The following SEC23A variants were observed in gnomAD, a reference collection of about 807,000 sequenced individuals.
SEC23A encodes the protein SEC23 homolog A, COPII component.
SEC23A carries 56 observed loss-of-function variants against 103.7 expected under a neutral mutation model. That is an observed-to-expected ratio of 0.54 (90% CI 0.44 to 0.67). The LOEUF (loss-of-function observed/expected upper bound fraction) is 0.67, where lower values mean the gene tolerates loss of function less well. Among genes scored for constraint, SEC23A ranks in the 30% least tolerant of loss-of-function variants. The pLI, the probability that SEC23A is intolerant of heterozygous loss-of-function variation, is 0.00. For synonymous variants in SEC23A, 281 were observed against 293.0 expected (o/e 0.96, Z 0.42); for missense variants, 784 against 936.4 (o/e 0.84, Z 2.12).
At chr14:39,066,505 C>A (rs1886674845) in intron 10 of SEC23A, among the ~76,000 whole-genome samples, 1 of 150,524 alleles carries the variant, frequency 6.6e-6, no homozygotes, top group Non-Finnish European at 1.5e-5. Flanking sequence ...AAAACAGTTT[C>A]CTCTTAAGTT....
chr14:39,054,884 A>T (rs1443260151), intron 14 of SEC23A, among the ~76,000 whole-genome samples: 3 of 152,252 alleles, frequency 2.0e-5, no homozygotes, highest in Non-Finnish European at 2.9e-5. Context: ...ACCTCATTCC[A>T]GCCAATAAGA....
At chr14:39,042,932 T>C in intron 16 of SEC23A, 60 bp from the exon 17 acceptor site, 2 of 1,010,738 alleles carry the variant, frequency 2.0e-6, no homozygotes, top group East Asian at 4.8e-5. Context: ...CTCAATAATA[T>C]AAAATAGATG....
At chr14:39,041,409 C>CAAAAAAAAAAAAAAAAAAAAAAAAAAAAA (rs56911438) in intron 17 of SEC23A, 1 of 14,642 alleles carries the variant, frequency 6.8e-5, no homozygotes, top group South Asian at 8.3e-3. Context: ...AAAGAAAAAG[C>CAAAAAAAAAAAAAAAAAAAAAAAAAAAAA]AAAAAAAAAA....
chr14:39,077,603 G>A (rs1460964621), intron 7 of SEC23A, among the ~76,000 whole-genome samples: 1 of 151,978 alleles, frequency 6.6e-6, no homozygotes, highest in East Asian at 1.9e-4. Context: ...AAAAAAGTAT[G>A]CATGACTTAC....
chr14:39,100,301 A>G (rs988076090), intron 1 of SEC23A, among the ~76,000 whole-genome samples: 6 of 152,180 alleles, frequency 3.9e-5, no homozygotes, highest in African/African-American at 1.4e-4. Flanking sequence ...TCACCTTTCC[A>G]TAGTAGGAGT....
At chr14:39,095,318 C>T (rs1409772184) in intron 2 of SEC23A, among the ~76,000 whole-genome samples, 14 of 148,530 alleles carry the variant, frequency 9.4e-5, no homozygotes, top group African/African-American at 3.0e-4. Context: ...TTTTTTGAGG[C>T]GGAGTCTCGC....
rs1887883342 is a variant in SEC23A, at chr14:39,096,235, T to C, written c.-21-96A>G. The C allele has an allele frequency of 1.3e-5, 11 of 855,398 alleles. No individual in the cohort carries two copies. In the South Asian group the frequency reaches 1.6e-4, roughly 13 times the overall value. 53.0% of individuals were successfully genotyped at this position (855,398 alleles called of 1,614,324 possible). On this transcript the variant is annotated intron_variant, in intron 1 of 19. Coordinates refer to ENST00000307712, the MANE Select transcript of SEC23A (RefSeq NM_006364.4). Reference sequence around the variant, plus strand: ...CCCTCATTCAGCAATATTAACACCTTAGAAATCAGGACCAGCTGGGCCCCG... The same window carrying C: ...CCCTCATTCAGCAATATTAACACCTCAGAAATCAGGACCAGCTGGGCCCCG...
At position 39,064,926 on chromosome 14, in the gene SEC23A, C is replaced by T. The variant is rs776413541; in HGVS notation, c.1295G>A (p.Cys432Tyr). Residue 432 changes from cysteine (C) to tyrosine (Y), a missense_variant, in exon 11 of 20, where the codon TGT becomes TAT. Around this residue, in one of 2 missense-constraint regions of SEC23A, gnomAD observed 683 missense variants for 774.2 expected, o/e 0.88. Transcript: ENST00000307712. ...AACACAACTTACATTTTCAGACACA[C>T]AGGGTCCTTTAGAATTGAGTGACAC... ...PCVSLNSKGP[C>Y]VSENEIGTGG... 2 of 1,610,924 alleles carry T rather than the reference C, an allele frequency of 1.2e-6. No homozygotes were observed. Among genetic ancestry groups the T allele is most frequent in the Non-Finnish European group, 8.5e-7 (1 of 1,177,136 alleles).
Position 39,061,746 on chromosome 14 carries a change from T to G in SEC23A, c.1505+19A>C. 8.4e-6 allele frequency: 13 copies of G among 1,556,510 alleles called. No homozygotes were observed. Among genetic ancestry groups the G allele is most frequent in the Non-Finnish European group, 1.1e-5 (12 of 1,127,464 alleles). ...ATACCTGTGATATGAAAATCAAATC[T>G]CTAACAAATACAACTTACTTCCTAG... is the stretch of plus-strand genomic sequence containing the variant. On this transcript the variant is annotated intron_variant, in intron 13 of 19. Coordinates refer to ENST00000307712, the MANE Select transcript of SEC23A (RefSeq NM_006364.4).
chr14:39,067,724 G>A (rs1418897394), intron 9 of SEC23A, among the ~76,000 whole-genome samples: 50 of 140,616 alleles, frequency 3.6e-4, no homozygotes, highest in Non-Finnish European at 1.5e-5. Context: ...AGGCTGGAGT[G>A]CAGTGGAACA....
chr14:39,074,870 G>C (rs1886961534), intron 8 of SEC23A, among the ~76,000 whole-genome samples: 1 of 152,218 alleles, frequency 6.6e-6, no homozygotes, highest in South Asian at 2.1e-4. Flanking sequence ...CATTTTGGGA[G>C]GCCGAGGCAG....
chr14:39,090,004 T>C (rs184673398), intron 5 of SEC23A, among the ~76,000 whole-genome samples: 47 of 152,168 alleles, frequency 3.1e-4, no homozygotes, highest in Non-Finnish European at 6.0e-4. Flanking sequence ...TCAAATCTTA[T>C]TCACTATTCA....
chr14:39,051,314 TTG>T (rs1886050737), intron 14 of SEC23A, among the ~76,000 whole-genome samples: 4 of 152,318 alleles, frequency 2.6e-5, no homozygotes, highest in African/African-American at 9.6e-5. Context: ...CAGGAAGCCC[TTG>T]CTTCCTTCAG....
chr14:39,042,793 T>C lies in SEC23A; in HGVS notation c.1979A>G (p.His660Arg). The change falls in exon 17 of 20, where the codon CAT becomes CGT. Residue 660 changes from histidine (H) to arginine (R), a missense_variant. His to Arg is a conservative substitution (Grantham distance 29). Coordinates refer to ENST00000307712, the MANE Select transcript of SEC23A (RefSeq NM_006364.4). ...ATGCTATTGAAATCTTACCTCACCA[T>C]GATAAATCAAAATCTGGAAGAATGT... The part of the protein sequence containing the change: ...MDTFFQILIY[H>R]GETIAQWRKS... The C allele has an allele frequency of 1.2e-6, 2 of 1,602,096 alleles. No individual in the cohort carries two copies. The highest frequency in any genetic ancestry group is 8.6e-7 in the Non-Finnish European group (1 of 1,169,244).
chr14:39,069,187 A>G (rs776779165), intron 9 of SEC23A, among the ~76,000 whole-genome samples: 5 of 152,176 alleles, frequency 3.3e-5, no homozygotes, highest in African/African-American at 4.8e-5. Flanking sequence ...TCCAAAATCC[A>G]ACTACTTCCC....
chr14:39,102,157 G>C (rs572525966), intron 1 of SEC23A, among the ~76,000 whole-genome samples: 1 of 152,138 alleles, frequency 6.6e-6, no homozygotes, highest in African/African-American at 2.4e-5. Flanking sequence ...GCTTGAACCA[G>C]GGAGGCGGAG....
At chr14:39,038,155 C>T (rs1885520736) in intron 19 of SEC23A, among the ~76,000 whole-genome samples, 1 of 152,178 alleles carries the variant, frequency 6.6e-6, no homozygotes, top group African/African-American at 2.4e-5. Flanking sequence ...TTATCTTAGC[C>T]CATACTATTC....
intron 9 of SEC23A, among the ~76,000 whole-genome samples, chr14:39,070,863 C>T (rs1301580195): frequency 6.6e-6 from 1 of 152,082 alleles, no homozygotes. Context: ...CCCGTCTCTA[C>T]TAAAAATACA....
At chr14:39,034,350 T>A (rs564826804) in intron 19 of SEC23A, among the ~76,000 whole-genome samples, 85 of 152,334 alleles carry the variant, frequency 5.6e-4, no homozygotes, top group African/African-American at 1.9e-3. Flanking sequence ...AATGATTAAA[T>A]GAGTTAAATT....
Sources: gnomAD v4.1 joint callset for allele counts (sites outside exome capture counted in the v4.1 genomes callset) on GRCh38, gnomAD v4.1.1 for gene constraint, gnomAD v4.1.1 regional missense constraint, MANE v1.5 for transcripts, NCBI Gene and HGNC (gene_info 2026-07-23, HGNC 2026-07-21) for gene names.